Variants in CACHD1 observed in about 807,000 individuals in gnomAD.
CACHD1 encodes the protein cache domain containing 1, also known as VWFA and cache domain-containing protein 1.
Under a neutral mutation model 138.7 loss-of-function variants are expected in CACHD1, and 71 were observed. The ratio of observed to expected loss-of-function variants is 0.51; its 90% confidence interval spans 0.42 to 0.62. The LOEUF (loss-of-function observed/expected upper bound fraction) is 0.62, where lower values mean the gene tolerates loss of function less well. CACHD1 is among the 20% of genes least tolerant of loss of function. The pLI is 0.00. For missense variants in CACHD1, 1,389 were observed against 1,625.3 expected (o/e 0.85, Z 2.50); for synonymous variants, 578 against 591.5 (o/e 0.98, Z 0.33).
intron 1 of CACHD1, among the ~76,000 whole-genome samples, chr1:64,508,237 T>G (rs1646392197): frequency 6.6e-6 from 1 of 152,200 alleles, no homozygotes; most frequent in East Asian, 1.9e-4. Context: ...CCCCTCCGTC[T>G]TCCAACATTG....
At chr1:64,622,342 AG>A (rs1310844517) in intron 4 of CACHD1, among the ~76,000 whole-genome samples, 1 of 152,210 alleles carries the variant, frequency 6.6e-6, no homozygotes, top group Non-Finnish European at 1.5e-5. Flanking sequence ...GCGATTTTCC[AG>A]GTAAACCAGC....
intron 3 of CACHD1, among the ~76,000 whole-genome samples, chr1:64,590,752 G>A (rs1159706946): frequency 1.3e-5 from 2 of 152,116 alleles, no homozygotes; most frequent in Non-Finnish European, 2.9e-5. Flanking sequence ...GAAGAGGCAA[G>A]TCTTTTTATT....
At chr1:64,680,525 T>C (rs946262770) in intron 24 of CACHD1, among the ~76,000 whole-genome samples, 1 of 152,016 alleles carries the variant, frequency 6.6e-6, no homozygotes, top group African/African-American at 2.4e-5. Context: ...TACAAAATGA[T>C]TCACCTATAA....
intron 1 of CACHD1, among the ~76,000 whole-genome samples, chr1:64,503,006 A>G (rs1646348533): frequency 2.6e-5 from 4 of 152,226 alleles, no homozygotes; most frequent in African/African-American, 9.7e-5. Context: ...CATGCTCTTC[A>G]AAAGGCAACA....
intron 2 of CACHD1, among the ~76,000 whole-genome samples, chr1:64,563,513 G>A (rs1477211041): frequency 1.3e-5 from 2 of 152,166 alleles, no homozygotes; most frequent in South Asian, 2.1e-4. Flanking sequence ...AAGATGCCTG[G>A]TAGCAGAACA....
intron 3 of CACHD1, among the ~76,000 whole-genome samples, chr1:64,583,961 C>T (rs2100542265): frequency 6.6e-6 from 1 of 152,204 alleles, no homozygotes; most frequent in Admixed American, 6.5e-5. Context: ...CACAGCCAAA[C>T]CATATTAGGT....
At chr1:64,598,444 G>A (rs975885302) in intron 3 of CACHD1, among the ~76,000 whole-genome samples, 3 of 152,136 alleles carry the variant, frequency 2.0e-5, no homozygotes, top group Non-Finnish European at 4.4e-5. Context: ...GAAATAAAAT[G>A]CCCAGAGCTT....
intron 3 of CACHD1, among the ~76,000 whole-genome samples, chr1:64,589,081 T>C (rs1647076346): frequency 6.6e-6 from 1 of 152,196 alleles, no homozygotes; most frequent in Non-Finnish European, 1.5e-5. Flanking sequence ...GCTGAATAGA[T>C]ATTCTCTCAG....
Position 64,582,319 on chromosome 1 carries a change from C to T in CACHD1, c.410+15C>T, listed in dbSNP as rs373803501. The T allele has an allele frequency of 1.5e-5, 24 of 1,608,790 alleles. No homozygotes were observed. In the African/African-American group the frequency reaches 3.1e-4, roughly 21 times the overall value. On this transcript the variant is annotated intron_variant, in intron 3 of 26. Coordinates refer to ENST00000651257, the MANE Select transcript of CACHD1 (RefSeq NM_020925.4). The stretch of plus-strand genomic sequence containing the variant: ...TCCATGATGGAGTAAGACTTTAAAA[C>T]TTTTTGTTGTTGTATAAACCAGACA...
chr1:64,670,445 T>C (rs1219748401), intron 16 of CACHD1, among the ~76,000 whole-genome samples: 1 of 152,234 alleles, frequency 6.6e-6, no homozygotes, highest in Non-Finnish European at 1.5e-5. Flanking sequence ...TGGGTGATGC[T>C]AAATAATAGG....
intron 1 of CACHD1, among the ~76,000 whole-genome samples, chr1:64,480,833 C>T (rs1452027997): frequency 6.6e-6 from 1 of 150,492 alleles, no homozygotes; most frequent in East Asian, 1.9e-4. Context: ...TGACCTACAT[C>T]TCTCTCCCTA....
chr1:64,546,526 G>A (rs566476356), intron 1 of CACHD1, among the ~76,000 whole-genome samples: 28 of 152,050 alleles, frequency 1.8e-4, no homozygotes, highest in African/African-American at 6.3e-4. Context: ...ATATAGATGA[G>A]GTTTTGCTAT....
At chr1:64,630,010 T>C (rs1310026477) in intron 5 of CACHD1, among the ~76,000 whole-genome samples, 1 of 152,220 alleles carries the variant, frequency 6.6e-6, no homozygotes, top group East Asian at 1.9e-4. Context: ...TGACTTGAGA[T>C]TCTACCATGT....
At chr1:64,534,361 G>A (rs1646615391) in intron 1 of CACHD1, among the ~76,000 whole-genome samples, 1 of 152,102 alleles carries the variant, frequency 6.6e-6, no homozygotes, top group Non-Finnish European at 1.5e-5. Flanking sequence ...TCTTTCTGTT[G>A]TGTTATTTTA....
At chr1:64,642,529 C>T (rs1271661631) in intron 8 of CACHD1, among the ~76,000 whole-genome samples, 1 of 152,212 alleles carries the variant, frequency 6.6e-6, no homozygotes, top group Non-Finnish European at 1.5e-5. Context: ...GATTGTGCTG[C>T]TGTCGAATGA....
At chr1:64,682,700 C>T (rs1205184337) in intron 26 of CACHD1, among the ~76,000 whole-genome samples, 3 of 152,080 alleles carry the variant, frequency 2.0e-5, no homozygotes, top group Non-Finnish European at 4.4e-5. Flanking sequence ...CATGAAGAGG[C>T]GCCGAGTGCT....
chr1:64,602,095 T>A (rs531976162), intron 3 of CACHD1, among the ~76,000 whole-genome samples: 1 of 152,222 alleles, frequency 6.6e-6, no homozygotes, highest in Non-Finnish European at 1.5e-5. Flanking sequence ...CTAGCTAGAA[T>A]AATAGCATTG....
chr1:64,665,702 A>G (rs1649606882), intron 15 of CACHD1, among the ~76,000 whole-genome samples: 1 of 152,158 alleles, frequency 6.6e-6, no homozygotes, highest in Non-Finnish European at 1.5e-5. Flanking sequence ...AAATTTACAG[A>G]GTAGAGGTGC....
intron 16 of CACHD1, among the ~76,000 whole-genome samples, chr1:64,669,637 G>C (rs1037069577): frequency 6.6e-6 from 1 of 152,048 alleles, no homozygotes. Flanking sequence ...AAAATCTCAC[G>C]GAAGTATTGC....
Sources: allele counts gnomAD v4.1 joint callset (sites outside exome capture counted in the v4.1 genomes callset), GRCh38; gene constraint gnomAD v4.1.1; transcripts MANE v1.5; gene names NCBI Gene and HGNC (gene_info 2026-07-23, HGNC 2026-07-21).